Variants in DOCK9 observed in about 807,000 individuals in gnomAD.
DOCK9 encodes the protein dedicator of cytokinesis 9.
In DOCK9, 89 loss-of-function variants were observed where a neutral mutation model predicts 263.3. The ratio of observed to expected loss-of-function variants is 0.34; its 90% CI spans 0.28 to 0.40. The LOEUF is 0.40. Ranked by LOEUF, DOCK9 falls within the 10% of genes least tolerant of loss-of-function variation. The pLI is 1.00. For synonymous variants in DOCK9, 976 were observed against 973.1 expected, an observed-to-expected ratio of 1.00 and a Z score of -0.06; for missense variants, 2,140 against 2,603.4, an observed-to-expected ratio of 0.82 and a Z score of 3.87.
At chr13:99,032,232 A>T (rs1887419400) in intron 1 of DOCK9, among the ~76,000 whole-genome samples, 1 of 152,166 alleles carries the variant, frequency 6.6e-6, no homozygotes, top group Non-Finnish European at 1.5e-5. Flanking sequence ...GCACTTTGGG[A>T]GGCCTAGGCA....
chr13:98,963,931 T>G (rs2058936526), intron 1 of DOCK9, among the ~76,000 whole-genome samples: 1 of 152,218 alleles, frequency 6.6e-6, no homozygotes, highest in Non-Finnish European at 1.5e-5. Flanking sequence ...AGGAATTTCT[T>G]GAAGTTGTCA....
chr13:99,044,048 ATT>A (rs1224429047), intron 1 of DOCK9, among the ~76,000 whole-genome samples: 1 of 152,190 alleles, frequency 6.6e-6, no homozygotes, highest in East Asian at 1.9e-4. Flanking sequence ...TGTGATTCTT[ATT>A]TATATGACAG....
At chr13:98,991,031 A>G (rs2141705537) in intron 1 of DOCK9, among the ~76,000 whole-genome samples, 1 of 152,236 alleles carries the variant, frequency 6.6e-6, no homozygotes, top group South Asian at 2.1e-4. Context: ...CTAGTTCAAG[A>G]GTACGATGTC....
intron 1 of DOCK9, among the ~76,000 whole-genome samples, chr13:99,082,260 G>C (rs1254722953): frequency 6.6e-6 from 1 of 151,258 alleles, no homozygotes; most frequent in Non-Finnish European, 1.5e-5. Flanking sequence ...GCTCACCCCT[G>C]TAATCCTAGC....
At chr13:98,985,090 G>C (rs1322334870) in intron 1 of DOCK9, among the ~76,000 whole-genome samples, 1 of 150,642 alleles carries the variant, frequency 6.6e-6, no homozygotes, top group Admixed American at 6.6e-5. Context: ...GGGCAGTTGG[G>C]GGGGTGGGGC....
intron 38 of DOCK9, among the ~76,000 whole-genome samples, chr13:98,838,045 C>T (rs2093072418): frequency 6.6e-6 from 1 of 152,132 alleles, no homozygotes; most frequent in East Asian, 1.9e-4. Context: ...AGGACTTGGA[C>T]CAAGACAGGC....
intron 38 of DOCK9, among the ~76,000 whole-genome samples, chr13:98,839,962 T>C (rs763170363): frequency 6.6e-6 from 1 of 152,264 alleles, no homozygotes; most frequent in Non-Finnish European, 1.5e-5. Context: ...CATATTGTTA[T>C]GCTTTGCTTT....
chr13:98,973,024 T>C (rs1384855043), intron 1 of DOCK9, among the ~76,000 whole-genome samples: 1 of 152,176 alleles, frequency 6.6e-6, no homozygotes. Context: ...TTTGAATAAA[T>C]AAAATTTCCT....
At chr13:98,914,085 A>G (rs978476084) in intron 9 of DOCK9, among the ~76,000 whole-genome samples, 8 of 152,218 alleles carry the variant, frequency 5.3e-5, no homozygotes, top group African/African-American at 1.9e-4. Flanking sequence ...GTTAAGCATT[A>G]TCAGGGAAAA....
chr13:98,974,524 T>G (rs775623533), intron 1 of DOCK9, among the ~76,000 whole-genome samples: 23 of 151,940 alleles, frequency 1.5e-4, no homozygotes, highest in Admixed American at 2.6e-4. Flanking sequence ...CCAAAGCAGG[T>G]GGATCACCTG....
rs560279757 is a variant in DOCK9 at position 98,847,116 on chromosome 13, T to G, written c.4062-1056A>C. ...TTAACCATTTCACAAAACCCGATTC[T>G]AAAACATTTTGTTGGGACAGAAATC... is the stretch of plus-strand genomic sequence containing the variant. On this transcript the variant is annotated intron_variant, in intron 37 of 52. Coordinates refer to ENST00000682017, the MANE Select transcript of DOCK9 (RefSeq NM_001366683.2). 19 of 158,122 alleles carry G rather than the reference T, an allele frequency of 1.2e-4. 1 individual carries two copies. In the South Asian group the frequency reaches 3.4e-3, roughly 29 times the overall value. 9.8% of individuals were successfully genotyped at this position (158,122 alleles called of 1,614,324 possible).
chr13:98,850,972 G>A (rs528339594), intron 35 of DOCK9, among the ~76,000 whole-genome samples: 5 of 152,296 alleles, frequency 3.3e-5, no homozygotes, highest in Admixed American at 1.3e-4. Flanking sequence ...AAGCAGAGAC[G>A]GTGGCTATGG....
intron 1 of DOCK9, among the ~76,000 whole-genome samples, chr13:98,957,031 T>C (rs2058136873): frequency 6.6e-6 from 1 of 152,138 alleles, no homozygotes. Flanking sequence ...GTGACTGTCT[T>C]CTAACCAATT....
Position 98,897,592 on chromosome 13 carries a change from T to C in DOCK9, c.1605A>G (p.Ala535=). ...AWAARTLFKD[A]SGNLDKNARF... ...TGGCATTTTTGTCAAGATTTCCAGA[T>C]GCATCCTTAAACAATGTCCTGAAAT... The change falls in exon 15 of 53, where the codon GCA becomes GCG. Residue 535 remains alanine (A), a synonymous_variant. Transcript: ENST00000682017. The C allele has an allele frequency of 2.5e-6, 4 of 1,613,950 alleles. No individual in the cohort carries two copies. Among genetic ancestry groups the C allele is most frequent in the Non-Finnish European group, 3.4e-6 (4 of 1,179,850 alleles).
intron 1 of DOCK9, among the ~76,000 whole-genome samples, chr13:99,009,056 T>C (rs951561984): frequency 1.3e-5 from 2 of 152,276 alleles, no homozygotes; most frequent in Non-Finnish European, 2.9e-5. Context: ...TCTGTGTTCC[T>C]GGACACTGGC....
intron 1 of DOCK9, among the ~76,000 whole-genome samples, chr13:98,972,693 T>G (rs190257215): frequency 7.2e-5 from 11 of 152,344 alleles, no homozygotes; most frequent in South Asian, 4.1e-4. Context: ...TGGCTATGCC[T>G]ATGTTAGCTG....
intron 15 of DOCK9, among the ~76,000 whole-genome samples, chr13:98,894,957 CAAAA>C (rs71114557): frequency 2.6e-4 from 19 of 73,388 alleles, no homozygotes; most frequent in Middle Eastern, 0.012. Flanking sequence ...TACTAAAATA[CAAAA>C]AAAAAAAAAA....
chr13:98,908,454 GAAAAAAAA>G (rs914043071), intron 9 of DOCK9, among the ~76,000 whole-genome samples: 2 of 149,822 alleles, frequency 1.3e-5, no homozygotes, highest in Admixed American at 1.3e-4. Flanking sequence ...GCTAAAAACT[GAAAAAAAA>G]ACCTTAAATG....
In DOCK9 at chr13:98,885,693, G is replaced by A. The variant is rs749597268; in HGVS notation, c.2260+15C>T. The stretch of plus-strand genomic sequence containing the variant: ...TCAATTATTTAAAATCAAAGGAATG[G>A]TAAGCCCCCCCAACCTTGGGTTTCA... On this transcript the variant is annotated intron_variant, in intron 20 of 52. Transcript: ENST00000682017. The A allele has an allele frequency of 6.3e-7, 1 of 1,597,842 alleles. No homozygotes were observed.
Sources: gnomAD v4.1 joint callset for allele counts (sites outside exome capture counted in the v4.1 genomes callset) on GRCh38, gnomAD v4.1.1 for gene constraint, MANE v1.5 for transcripts, NCBI Gene and HGNC (gene_info 2026-07-23, HGNC 2026-07-21) for gene names.